The following RBFOX1 variants were observed in gnomAD, a reference collection of about 807,000 sequenced individuals.
RBFOX1 encodes RNA binding fox-1 homolog 1, also known as RNA binding protein fox-1 homolog 1.
In RBFOX1, 8 loss-of-function variants were observed where a neutral mutation model predicts 57.7. That is an observed-to-expected ratio of 0.14 (90% CI 0.08 to 0.25). RBFOX1 has a LOEUF of 0.25. Ranked by LOEUF, RBFOX1 falls within the 10% of genes least tolerant of loss-of-function variation. The pLI, the probability that RBFOX1 is intolerant of heterozygous loss-of-function variation, is 1.00. For missense variants in RBFOX1, 611 were observed against 548.5 expected, an observed-to-expected ratio of 1.11 and a Z score of -1.14; for synonymous variants, 326 against 222.4, an observed-to-expected ratio of 1.47 and a Z score of -4.15.
chr16:6,355,319 G>A (rs934324364), intron 2 of RBFOX1, among the ~76,000 whole-genome samples: 2 of 150,894 alleles, frequency 1.3e-5, no homozygotes, highest in African/African-American at 4.9e-5. Context: ...AATGTGTGAT[G>A]TTCCCCTCCC....
At chr16:5,743,873 T>G (rs1337846340) in intron 3 of RBFOX1, among the ~76,000 whole-genome samples, 1 of 152,200 alleles carries the variant, frequency 6.6e-6, no homozygotes, top group Admixed American at 6.5e-5. Context: ...CATAACACGG[T>G]ATTGTTAATG....
intron 14 of RBFOX1, among the ~76,000 whole-genome samples, chr16:7,702,784 C>G (rs2081189930): frequency 6.6e-6 from 1 of 152,138 alleles, no homozygotes; most frequent in African/African-American, 2.4e-5. Flanking sequence ...GCAAAAGCAA[C>G]AACTCATTGG....
At chr16:6,181,030 C>G in intron 1 of RBFOX1, among the ~76,000 whole-genome samples, 1 of 152,272 alleles carries the variant, frequency 6.6e-6, no homozygotes, top group Admixed American at 6.5e-5. Flanking sequence ...ATTGAAATTT[C>G]AGGCCATTTT....
At chr16:5,416,327 C>T (rs1194528969) in intron 1 of RBFOX1, among the ~76,000 whole-genome samples, 2 of 152,188 alleles carry the variant, frequency 1.3e-5, no homozygotes, top group African/African-American at 4.8e-5. Flanking sequence ...TCCAGAGTCC[C>T]TTCTCTTAAG....
chr16:6,214,344 G>C (rs1295663362), intron 1 of RBFOX1, among the ~76,000 whole-genome samples: 2 of 146,398 alleles, frequency 1.4e-5, no homozygotes, highest in Non-Finnish European at 3.0e-5. Context: ...AGAGGGAGAA[G>C]GGGAGATGGA....
At chr16:5,738,056 T>A (rs1399727652) in intron 3 of RBFOX1, among the ~76,000 whole-genome samples, 1 of 151,130 alleles carries the variant, frequency 6.6e-6, no homozygotes, top group Non-Finnish European at 1.5e-5. Context: ...CTTCCCTGTG[T>A]CCATGTGTTC....
chr16:7,178,046 C>G (rs1257527625), intron 4 of RBFOX1, among the ~76,000 whole-genome samples: 1 of 152,188 alleles, frequency 6.6e-6, no homozygotes, highest in Non-Finnish European at 1.5e-5. Flanking sequence ...TACACTTGTA[C>G]TGTTGTACAG....
intron 4 of RBFOX1, among the ~76,000 whole-genome samples, chr16:7,232,264 C>G (rs1179188399): frequency 6.6e-6 from 1 of 152,060 alleles, no homozygotes; most frequent in Admixed American, 6.6e-5. Context: ...AAACTGTTTA[C>G]TTTAAATGGT....
chr16:5,840,063 T>C (rs1295267248), intron 3 of RBFOX1, among the ~76,000 whole-genome samples: 2 of 152,338 alleles, frequency 1.3e-5, no homozygotes, highest in African/African-American at 4.8e-5. Flanking sequence ...TAATCCATTG[T>C]TGACAGTCCA....
In RBFOX1 at chr16:6,450,775, A is replaced by ATATACATATATATATG. The variant is rs1567302687; in HGVS notation, c.-64+133722_-64+133723insCATATATATATGTATA. On this transcript the variant is annotated intron_variant, in intron 2 of 15. Transcript: ENST00000550418. ...TATACATATATATATGTGTATATAT[A>ATATACATATATATATG]TATATATATATATACATATATATAT... Among the ~76,000 whole-genome samples, 76 of 35,200 alleles carry ATATACATATATATATG rather than the reference A, an allele frequency of 2.2e-3. 2 individuals carry two copies. The highest frequency in any genetic ancestry group is 9.1e-3 in the African/African-American group (60 of 6,582). 23.1% of individuals were successfully genotyped at this position (35,200 alleles called of 152,430 possible).
intron 3 of RBFOX1, among the ~76,000 whole-genome samples, chr16:6,768,553 A>G (rs74903719): frequency 0.031 from 4,643 of 151,982 alleles, 259 homozygotes; most frequent in East Asian, 0.26. Context: ...ATATTTAGAG[A>G]TAGTGGGTAT....
At chr16:6,585,052 C>T (rs954814016) in intron 2 of RBFOX1, among the ~76,000 whole-genome samples, 2 of 152,106 alleles carry the variant, frequency 1.3e-5, no homozygotes, top group Non-Finnish European at 2.9e-5. Context: ...GTAGGCATCA[C>T]TTCTTCTCTG....
intron 12 of RBFOX1, among the ~76,000 whole-genome samples, chr16:7,657,232 T>G (rs955889312): frequency 6.6e-6 from 1 of 152,204 alleles, no homozygotes; most frequent in African/African-American, 2.4e-5. Context: ...TGGGTAACCC[T>G]TGGAGATATC....
chr16:6,689,012 T>G (rs187514289), intron 3 of RBFOX1, among the ~76,000 whole-genome samples: 31 of 152,348 alleles, frequency 2.0e-4, no homozygotes, highest in African/African-American at 6.0e-4. Context: ...TTATATGTGC[T>G]GCATTTTCTT....
At chr16:5,512,971 A>C (rs1417037847) in intron 2 of RBFOX1, among the ~76,000 whole-genome samples, 1 of 152,152 alleles carries the variant, frequency 6.6e-6, no homozygotes, top group African/African-American at 2.4e-5. Flanking sequence ...GCAGGAGTGC[A>C]ATGGCGCCAT....
chr16:5,823,424 T>C (rs9930544), intron 3 of RBFOX1, among the ~76,000 whole-genome samples: 112,622 of 152,048 alleles, frequency 0.74, 42,494 homozygotes, highest in African/African-American at 0.89. Flanking sequence ...AGTGTTCTAT[T>C]GAGGGAATAG....
intron 3 of RBFOX1, among the ~76,000 whole-genome samples, chr16:6,899,127 G>C (rs996588222): frequency 3.3e-5 from 5 of 151,546 alleles, no homozygotes; most frequent in Non-Finnish European, 7.4e-5. Flanking sequence ...TTATGCATAT[G>C]TGTATATGTG....
chr16:6,597,143 T>C (rs189467657), intron 2 of RBFOX1, among the ~76,000 whole-genome samples: 147 of 152,306 alleles, frequency 9.7e-4, no homozygotes, highest in African/African-American at 3.3e-3. Context: ...ACATCTACTG[T>C]ATAAAATGAA....
intron 1 of RBFOX1, among the ~76,000 whole-genome samples, chr16:5,414,186 T>C (rs892238042): frequency 6.6e-6 from 1 of 152,130 alleles, no homozygotes; most frequent in African/African-American, 2.4e-5. Flanking sequence ...GGTGATCACT[T>C]GATTGGCTAC....
Sources: allele counts gnomAD v4.1 joint callset (sites outside exome capture counted in the v4.1 genomes callset), GRCh38; gene constraint gnomAD v4.1.1; transcripts MANE v1.5; gene names NCBI Gene and HGNC (gene_info 2026-07-23, HGNC 2026-07-21).